Variants in AGBL4 observed in about 807,000 individuals in gnomAD.
The protein encoded by AGBL4 is AGBL carboxypeptidase 4, also known as cytosolic carboxypeptidase 6.
In AGBL4, 58 loss-of-function variants were observed where a neutral mutation model predicts 66.4. That is an observed-to-expected ratio of 0.87 (90% CI 0.71 to 1.09). AGBL4 has a LOEUF of 1.09. AGBL4 is among the 50% of genes least tolerant of loss of function. AGBL4 has a pLI of 0.00. For synonymous variants in AGBL4, 234 were observed against 222.9 expected (o/e 1.05, Z -0.44); for missense variants, 579 against 631.0 (o/e 0.92, Z 0.88).
chr1:49,418,614 C>A (rs982313943), intron 3 of AGBL4, among the ~76,000 whole-genome samples: 1 of 152,158 alleles, frequency 6.6e-6, no homozygotes, highest in African/African-American at 2.4e-5. Context: ...AAGGATTTTA[C>A]TGGATGAAAG....
Position 49,245,835 on chromosome 1 carries a change from A to C in AGBL4, c.312T>G (p.Ser104Arg). ...CATCTCTATAGAGACTCTTGGTTTT[A>C]CTGAAGTTAACAATGTTGAAAATGA... is the stretch of plus-strand genomic sequence containing the variant. The part of the protein sequence containing the change: ...QRVIFNIVNF[S>R]KTKSLYRDGM... The change falls in exon 4 of 14, where the codon AGT becomes AGG. Residue 104 changes from serine to arginine, a missense_variant. By Grantham distance (110) the Ser-to-Arg change is moderately radical. Coordinates refer to ENST00000371839, the MANE Select transcript of AGBL4 (RefSeq NM_032785.4). 6.5e-7 allele frequency: 1 copy of C among 1,549,638 alleles called. No homozygotes were observed. Among genetic ancestry groups the C allele is most frequent in the Non-Finnish European group, 8.7e-7 (1 of 1,145,482 alleles).
intron 2 of AGBL4, among the ~76,000 whole-genome samples, chr1:49,800,532 C>T (rs1169931999): frequency 9.5e-6 from 1 of 105,762 alleles, no homozygotes; most frequent in African/African-American, 3.7e-5. Context: ...CACCCCACAA[C>T]AGTCCCCAGA....
At chr1:48,851,917 AAAAC>A (rs1430970558) in intron 6 of AGBL4, among the ~76,000 whole-genome samples, 1 of 152,016 alleles carries the variant, frequency 6.6e-6, no homozygotes, top group Non-Finnish European at 1.5e-5. Context: ...AGAAAAATAA[AAAAC>A]AAAAAAAGAG....
chr1:49,406,562 G>A (rs1043074268), intron 3 of AGBL4, among the ~76,000 whole-genome samples: 2 of 152,080 alleles, frequency 1.3e-5, no homozygotes, highest in African/African-American at 4.8e-5. Context: ...TATTTTAGTA[G>A]TGTGATAAAT....
chr1:48,782,158 A>G (rs888279723), intron 6 of AGBL4, among the ~76,000 whole-genome samples: 14 of 152,232 alleles, frequency 9.2e-5, no homozygotes, highest in Non-Finnish European at 1.8e-4. Context: ...CTGGGGAGAC[A>G]GAGGCCTGCG....
chr1:49,006,331 C>T (rs556933326), intron 5 of AGBL4, among the ~76,000 whole-genome samples: 18 of 152,292 alleles, frequency 1.2e-4, no homozygotes, highest in African/African-American at 2.9e-4. Flanking sequence ...GCTTAAAAAA[C>T]GGCGCACCAC....
chr1:49,069,436 A>AGCTTTCT (rs1644556455), intron 4 of AGBL4, among the ~76,000 whole-genome samples: 1 of 150,452 alleles, frequency 6.6e-6, no homozygotes, highest in South Asian at 2.1e-4. Context: ...ATCCAGTTTC[A>AGCTTTCT]GCTTTCTGCT....
At chr1:48,773,719 G>GTCCCAAC (rs1644945391) in intron 6 of AGBL4, among the ~76,000 whole-genome samples, 1 of 152,226 alleles carries the variant, frequency 6.6e-6, no homozygotes, top group Non-Finnish European at 1.5e-5. Flanking sequence ...CCTGGCACTG[G>GTCCCAAC]AAGACCTGTG....
At chr1:49,732,625 T>C (rs1649541559) in intron 2 of AGBL4, among the ~76,000 whole-genome samples, 1 of 152,104 alleles carries the variant, frequency 6.6e-6, no homozygotes, top group African/African-American at 2.4e-5. Flanking sequence ...AAGAATACAA[T>C]AACTAGAATA....
At position 49,051,281 on chromosome 1, in the gene AGBL4, T is replaced by C. The variant is rs149525080; in HGVS notation, c.378-5481A>G. ...GTCACTCAGATATCCCCAAAGGAAG[T>C]AGCAAATTTTAAGCACCTTCTGAAT... On this transcript the variant is annotated intron_variant, in intron 4 of 13. Transcript: ENST00000371839. 1.6e-3 allele frequency among the ~76,000 whole-genome samples: 239 copies of C among 151,888 alleles called. 4 individuals carry two copies. Among genetic ancestry groups the C allele is most frequent in the African/African-American group, 5.6e-3 (232 of 41,304 alleles).
chr1:49,048,885 A>T (rs1028037476), intron 4 of AGBL4, among the ~76,000 whole-genome samples: 1 of 152,020 alleles, frequency 6.6e-6, no homozygotes, highest in African/African-American at 2.4e-5. Context: ...GTGGCTCAAA[A>T]GCCTGTATTC....
At chr1:48,651,799 T>A (rs1278556501) in intron 8 of AGBL4, among the ~76,000 whole-genome samples, 1 of 152,184 alleles carries the variant, frequency 6.6e-6, no homozygotes, top group East Asian at 1.9e-4. Context: ...TGTCAGGAGA[T>A]CTGGTTCCAG....
At chr1:49,279,881 CT>C (rs1486058637) in intron 3 of AGBL4, among the ~76,000 whole-genome samples, 1 of 152,126 alleles carries the variant, frequency 6.6e-6, no homozygotes, top group African/African-American at 2.4e-5. Flanking sequence ...ACTCAACTGC[CT>C]TTGCAAAGCC....
chr1:49,683,664 T>G (rs947637035), intron 3 of AGBL4, among the ~76,000 whole-genome samples: 1 of 152,150 alleles, frequency 6.6e-6, no homozygotes, highest in Non-Finnish European at 1.5e-5. Flanking sequence ...GAAAGAGACT[T>G]TATCCATATC....
intron 1 of AGBL4, among the ~76,000 whole-genome samples, chr1:49,914,140 C>T (rs1651144286): frequency 6.6e-6 from 1 of 152,178 alleles, no homozygotes; most frequent in African/African-American, 2.4e-5. Context: ...TCTACTTTGC[C>T]AGGCTGTGAA....
At chr1:49,262,081 T>G (rs1369112781) in intron 3 of AGBL4, among the ~76,000 whole-genome samples, 2 of 152,120 alleles carry the variant, frequency 1.3e-5, no homozygotes, top group East Asian at 1.9e-4. Flanking sequence ...ATTTAATAAA[T>G]GGTGCTGGGA....
At chr1:48,922,003 G>A (rs909851354) in intron 5 of AGBL4, among the ~76,000 whole-genome samples, 3 of 152,096 alleles carry the variant, frequency 2.0e-5, no homozygotes, top group Admixed American at 2.0e-4. Context: ...AAATTACTGG[G>A]TACAAATAGT....
At chr1:48,540,997 T>C (rs1421927600) in intron 11 of AGBL4, among the ~76,000 whole-genome samples, 2 of 152,200 alleles carry the variant, frequency 1.3e-5, no homozygotes, top group Non-Finnish European at 2.9e-5. Flanking sequence ...TCCAAATCTC[T>C]GAGTGTGATT....
intron 4 of AGBL4, among the ~76,000 whole-genome samples, chr1:49,114,760 G>A: frequency 6.6e-6 from 1 of 152,110 alleles, no homozygotes; most frequent in Non-Finnish European, 1.5e-5. Flanking sequence ...AGGGGCCTGA[G>A]GTGAGGAAGG....
Sources: allele counts gnomAD v4.1 joint callset (sites outside exome capture counted in the v4.1 genomes callset), GRCh38; gene constraint gnomAD v4.1.1; transcripts MANE v1.5; gene names NCBI Gene and HGNC (gene_info 2026-07-23, HGNC 2026-07-21).